The following LRRC49 variants were observed in gnomAD, a reference collection of about 807,000 sequenced individuals.
LRRC49 encodes the protein leucine rich repeat containing 49.
In LRRC49, 50 loss-of-function variants were observed where a neutral mutation model predicts 83.3. The observed-to-expected ratio is 0.60, with a 90% CI of 0.48 to 0.76. The LOEUF is 0.76. Ranked by LOEUF, LRRC49 falls within the 30% of genes least tolerant of loss-of-function variation. The pLI, the probability that LRRC49 is intolerant of heterozygous loss-of-function variation, is 0.00. For missense variants in LRRC49, 704 were observed against 809.1 expected, an observed-to-expected ratio of 0.87 and a Z score of 1.58; for synonymous variants, 286 against 283.3, an observed-to-expected ratio of 1.01 and a Z score of -0.10.
At chr15:71,004,662 A>C (rs538808568) in intron 11 of LRRC49, among the ~76,000 whole-genome samples, 2 of 151,000 alleles carry the variant, frequency 1.3e-5, no homozygotes, top group Non-Finnish European at 2.9e-5. Flanking sequence ...AAAAAAAAAA[A>C]AGAAAGAAAG....
Position 71,008,586 on chromosome 15 carries a change from TA to T in LRRC49, c.1380del (p.Lys460AsnfsTer2). 1 of 1,612,034 alleles carries T rather than the reference TA, an allele frequency of 6.2e-7. No homozygotes were observed. The highest frequency in any genetic ancestry group is 8.5e-7 in the Non-Finnish European group (1 of 1,178,582). On this transcript the variant is annotated frameshift_variant, in exon 12 of 16. Transcript: ENST00000260382. LOFTEE classifies it high-confidence loss of function. ...TTGATGAAATCGTCCAAGTGCTTCC[TA>T]AACTGAAGATTAAGTTTCCTAATTC... ...EFDEIVQVLP[K>X]LKIKFPNSLH...
intron 9 of LRRC49, among the ~76,000 whole-genome samples, chr15:70,971,835 G>A (rs921249709): frequency 8.9e-6 from 1 of 112,832 alleles, no homozygotes; most frequent in African/African-American, 3.4e-5. Context: ...CATTTCCTTG[G>A]TAAATCTTCC....
At chr15:70,961,780 A>G (rs976236676) in intron 8 of LRRC49, among the ~76,000 whole-genome samples, 1 of 152,186 alleles carries the variant, frequency 6.6e-6, no homozygotes, top group African/African-American at 2.4e-5. Context: ...AGTACAGCAG[A>G]TTTTTCTAGT....
At chr15:71,001,506 A>G (rs1372849153) in intron 11 of LRRC49, among the ~76,000 whole-genome samples, 1 of 151,806 alleles carries the variant, frequency 6.6e-6, no homozygotes, top group Non-Finnish European at 1.5e-5. Flanking sequence ...GCCCTTTTTT[A>G]TCCTTCTTCA....
At chr15:70,986,659 T>G (rs556341219) in intron 11 of LRRC49, among the ~76,000 whole-genome samples, 3 of 152,268 alleles carry the variant, frequency 2.0e-5, no homozygotes, top group Non-Finnish European at 4.4e-5. Context: ...TGGCCAGAAC[T>G]TCCAACACTG....
At position 71,012,856 on chromosome 15, in the gene LRRC49, A is replaced by C; in HGVS notation, c.1646A>C (p.His549Pro). Residue 549 changes from histidine (H) to proline (P), a missense_variant, in exon 14 of 16, where the codon CAT becomes CCT. By Grantham distance (77) the His-to-Pro change is moderately conservative. Coordinates refer to ENST00000260382, the MANE Select transcript of LRRC49 (RefSeq NM_017691.5). Reference protein sequence around the residue: ...MAERLFGILAHVASSELPQYR... With the variant: ...MAERLFGILAPVASSELPQYR... ...GAAAGGCTCTTTGGAATCCTAGCACATGTAGCATCTTCTGAGTTACCCCAG... is the reference window on the plus strand; with the variant it reads ...GAAAGGCTCTTTGGAATCCTAGCACCTGTAGCATCTTCTGAGTTACCCCAG... 1.2e-6 allele frequency: 2 copies of C among 1,613,378 alleles called. No homozygotes were observed. The highest frequency in any genetic ancestry group is 1.7e-6 in the Non-Finnish European group (2 of 1,179,508).
chr15:71,006,891 A>G (rs1321910728), intron 11 of LRRC49, among the ~76,000 whole-genome samples: 1 of 152,068 alleles, frequency 6.6e-6, no homozygotes, highest in African/African-American at 2.4e-5. Flanking sequence ...ATCTAACTCA[A>G]TGTATCACAC....
intron 5 of LRRC49, among the ~76,000 whole-genome samples, chr15:70,907,233 A>G (rs1205875032): frequency 6.6e-6 from 1 of 152,234 alleles, no homozygotes; most frequent in Non-Finnish European, 1.5e-5. Context: ...AAGTTCAGAA[A>G]GCTTTCTCCT....
intron 15 of LRRC49, among the ~76,000 whole-genome samples, chr15:71,038,433 G>A (rs2039593469): frequency 6.6e-6 from 1 of 152,074 alleles, no homozygotes; most frequent in African/African-American, 2.4e-5. Flanking sequence ...TAGAGGAAAA[G>A]TAGGAAATTC....
At chr15:70,984,588 G>T (rs2037528790) in intron 11 of LRRC49, 1 of 165,432 alleles carries the variant, frequency 6.0e-6, no homozygotes, top group Non-Finnish European at 1.3e-5. Flanking sequence ...CTGTCTTTCA[G>T]TTCAGTTACT....
chr15:70,938,726 G>C (rs1455342269), intron 8 of LRRC49, among the ~76,000 whole-genome samples: 3 of 152,140 alleles, frequency 2.0e-5, no homozygotes, highest in Admixed American at 1.3e-4. Context: ...AGAGTTGCCA[G>C]GTTTTACAGT....
At chr15:70,982,654 C>T (rs1362002816) in intron 10 of LRRC49, among the ~76,000 whole-genome samples, 1 of 152,068 alleles carries the variant, frequency 6.6e-6, no homozygotes, top group Non-Finnish European at 1.5e-5. Flanking sequence ...CTGTGTTGCC[C>T]AGGCTGGAAT....
At chr15:70,853,909 C>T in intron 1 of LRRC49, 1 of 1,367,522 alleles carries the variant, frequency 7.3e-7, no homozygotes, top group Non-Finnish European at 9.5e-7. Flanking sequence ...GGCTCGGCTC[C>T]TCCTCGCTCG....
At position 70,879,834 on chromosome 15, in the gene LRRC49, C is replaced by A. The variant is rs543856646; in HGVS notation, c.18+6611C>A. ...TACTCTTGACATGTCTCTCTTCTCT[C>A]ACCTAAAGTCCAATGATTTTTTAAA... On this transcript the variant is annotated intron_variant, in intron 2 of 16. Coordinates refer to the LRRC49 transcript ENST00000544974. Among the ~76,000 whole-genome samples, 7 of 152,288 alleles carry A rather than the reference C, an allele frequency of 4.6e-5. No individual in the cohort carries two copies. In the South Asian group the frequency reaches 1.5e-3, roughly 32 times the overall value.
At chr15:70,984,687 G>C (rs1447356763) in intron 11 of LRRC49, 1 of 152,856 alleles carries the variant, frequency 6.5e-6, no homozygotes, top group East Asian at 1.9e-4. Context: ...GTGCAGGTTA[G>C]TTACATATGT....
chr15:70,917,877 T>C (rs2034847996), intron 6 of LRRC49, among the ~76,000 whole-genome samples: 1 of 152,198 alleles, frequency 6.6e-6, no homozygotes, highest in African/African-American at 2.4e-5. Flanking sequence ...CTAAAAGAGC[T>C]ATAACACAAA....
At chr15:71,017,752 G>T (rs985499094) in intron 14 of LRRC49, among the ~76,000 whole-genome samples, 8 of 152,142 alleles carry the variant, frequency 5.3e-5, no homozygotes, top group African/African-American at 1.9e-4. Context: ...GTACATGTTG[G>T]TAGAAGTGTA....
At chr15:70,900,852 A>G (rs2034042825) in intron 3 of LRRC49, 70 bp from the exon 4 acceptor site, 8 of 897,458 alleles carry the variant, frequency 8.9e-6, no homozygotes, top group South Asian at 8.7e-5. Context: ...TTCTCCAAAT[A>G]TAAGATGACT....
intron 11 of LRRC49, among the ~76,000 whole-genome samples, chr15:71,001,690 T>A (rs1596124165): frequency 1.3e-5 from 2 of 151,738 alleles, no homozygotes; most frequent in African/African-American, 4.9e-5. Flanking sequence ...TTAGTCTATC[T>A]GCTATTTTTT....
Sources: allele counts gnomAD v4.1 joint callset (sites outside exome capture counted in the v4.1 genomes callset), GRCh38; gene constraint gnomAD v4.1.1; transcripts MANE v1.5; gene names NCBI Gene and HGNC (gene_info 2026-07-23, HGNC 2026-07-21).